The following FAM178B variants were observed in gnomAD, a reference collection of about 807,000 sequenced individuals.
FAM178B encodes protein FAM178B.
FAM178B carries 82 observed loss-of-function variants against 91.7 expected under a neutral mutation model. The observed-to-expected ratio is 0.89, with a 90% CI of 0.75 to 1.07. FAM178B has a LOEUF of 1.07. Ranked by LOEUF, FAM178B falls within the 50% of genes least tolerant of loss-of-function variation. FAM178B has a pLI of 0.00. For missense variants in FAM178B, 769 were observed against 846.7 expected, an observed-to-expected ratio of 0.91 and a Z score of 1.14; for synonymous variants, 368 against 359.4, an observed-to-expected ratio of 1.02 and a Z score of -0.27.
intron 8 of FAM178B, among the ~76,000 whole-genome samples, chr2:96,933,545 C>G (rs947508438): frequency 4.6e-5 from 7 of 152,228 alleles, no homozygotes; most frequent in African/African-American, 1.7e-4. Flanking sequence ...CTGGAAGCGC[C>G]AGCCTCAGCT....
chr2:96,928,449 T>G (rs2081483984), intron 9 of FAM178B, among the ~76,000 whole-genome samples: 1 of 152,122 alleles, frequency 6.6e-6, no homozygotes, highest in Non-Finnish European at 1.5e-5. Context: ...AGGCAAATGA[T>G]CATGACTGTC....
At chr2:96,936,567 T>C (rs2081635779) in intron 8 of FAM178B, among the ~76,000 whole-genome samples, 1 of 147,620 alleles carries the variant, frequency 6.8e-6, no homozygotes, top group Non-Finnish European at 1.5e-5. Flanking sequence ...TGGAGTGCAA[T>C]GGCATGATCT....
rs150356466 is a variant in FAM178B, at chr2:96,923,329, G to A, written c.1287+161C>T. ...GGGGCCTAGATCAGGACCCGTGTCC[G>A]ATAACACAGTTTCTGTAGCATCCGG... On this transcript the variant is annotated intron_variant, in intron 10 of 16. Coordinates refer to ENST00000490605, the MANE Select transcript of FAM178B (RefSeq NM_001122646.3). Among the ~76,000 whole-genome samples, 17 of 152,332 alleles carry A rather than the reference G, an allele frequency of 1.1e-4. No individual in the cohort carries two copies. In the East Asian group the frequency reaches 2.1e-3, roughly 19 times the overall value.
intron 12 of FAM178B, among the ~76,000 whole-genome samples, chr2:96,902,954 A>C (rs1013266419): frequency 2.0e-5 from 3 of 152,230 alleles, no homozygotes; most frequent in African/African-American, 7.2e-5. Flanking sequence ...AGGCCCACAG[A>C]GCTGGGCTTT....
chr2:96,882,522 T>C (rs2080411688), intron 14 of FAM178B, among the ~76,000 whole-genome samples: 1 of 152,206 alleles, frequency 6.6e-6, no homozygotes, highest in Non-Finnish European at 1.5e-5. Flanking sequence ...GACCAATTCC[T>C]GAACTTAGCA....
intron 14 of FAM178B, among the ~76,000 whole-genome samples, chr2:96,882,775 C>T (rs1168536269): frequency 4.6e-5 from 7 of 152,256 alleles, no homozygotes; most frequent in South Asian, 2.1e-4. Context: ...TGGGGGGCTA[C>T]ACTTGTCCAG....
intron 7 of FAM178B, 60 bp from the exon 8 acceptor site, chr2:96,947,962 A>G (rs2081858715): frequency 7.1e-6 from 6 of 843,738 alleles, no homozygotes; most frequent in Non-Finnish European, 3.9e-6. Flanking sequence ...CCTAAGAAGC[A>G]ATAGTAGCAA....
At chr2:96,978,247 T>C (rs2082317731) in intron 1 of FAM178B, among the ~76,000 whole-genome samples, 1 of 152,212 alleles carries the variant, frequency 6.6e-6, no homozygotes, top group Non-Finnish European at 1.5e-5. Context: ...TGAATGCTTC[T>C]ATGAACATCA....
intron 8 of FAM178B, among the ~76,000 whole-genome samples, chr2:96,945,968 ACT>A (rs1307134284): frequency 1.3e-5 from 2 of 151,618 alleles, no homozygotes; most frequent in East Asian, 3.9e-4. Context: ...CAAAACTGAA[ACT>A]CTGTACTCAT....
At chr2:96,886,937 G>C (rs1001085600) in intron 14 of FAM178B, among the ~76,000 whole-genome samples, 1 of 152,190 alleles carries the variant, frequency 6.6e-6, no homozygotes, top group African/African-American at 2.4e-5. Flanking sequence ...CCTTTTGGCC[G>C]GGCGCGGTGG....
chr2:96,985,138 C>T (rs1022381077), intron 1 of FAM178B, among the ~76,000 whole-genome samples: 2 of 152,198 alleles, frequency 1.3e-5, no homozygotes, highest in Non-Finnish European at 2.9e-5. Flanking sequence ...AGTACGTGTC[C>T]TGACAGCGTG....
intron 3 of FAM178B, 41 bp downstream of exon 3, chr2:96,971,860 G>T: frequency 6.9e-7 from 1 of 1,442,386 alleles, no homozygotes; most frequent in Non-Finnish European, 9.1e-7. Flanking sequence ...GCTAAAGATG[G>T]GTAGCCAAGG....
rs187293627 is a variant in FAM178B at position 96,977,838 on chromosome 2, G to C, written c.74-5232C>G. On this transcript the variant is annotated intron_variant, in intron 1 of 16. Transcript: ENST00000490605. ...ATACCGGCCTTTGTTCTACTCCAGC[G>C]TTGACGGTTTTTGCTGTTCCAGTTT... The C allele has an allele frequency of 2.5e-4, 112 of 455,304 alleles. 2 individuals carry two copies. The Admixed American group carries it at 2.6e-3, about 11-fold the overall frequency. 28.2% of individuals were successfully genotyped at this position (455,304 alleles called of 1,614,324 possible).
intron 8 of FAM178B, among the ~76,000 whole-genome samples, chr2:96,930,309 C>CA (rs1191863506): frequency 6.8e-6 from 1 of 147,152 alleles, no homozygotes; most frequent in Non-Finnish European, 1.5e-5. Context: ...TTTTTTCTGT[C>CA]AGACTACTTA....
At chr2:96,951,032 G>T (rs1440227039) in intron 7 of FAM178B, among the ~76,000 whole-genome samples, 3 of 152,154 alleles carry the variant, frequency 2.0e-5, no homozygotes, top group African/African-American at 7.2e-5. Context: ...CCGATTCACT[G>T]AGAGGTTAGA....
Position 96,905,861 on chromosome 2 carries a change from T to TATA in FAM178B, c.1563-3155_1563-3154insTAT, listed in dbSNP as rs1491541308. Among the ~76,000 whole-genome samples, 43 of 19,794 alleles carry TATA rather than the reference T, an allele frequency of 2.2e-3. 2 individuals carry two copies. Among genetic ancestry groups the TATA allele is most frequent in the Admixed American group, 3.6e-3 (4 of 1,098 alleles). The allele number at this position is 19,794 out of a possible 152,430, so 13.0% of individuals were successfully genotyped here. ...ATATATATATATATATATATATATA[T>TATA]TTTTTTTTTTTTTTTTTTTTTTTTT... is the stretch of plus-strand genomic sequence containing the variant. On this transcript the variant is annotated intron_variant, in intron 12 of 16. Transcript: ENST00000490605.
chr2:96,884,241 G>A (rs183151332), intron 14 of FAM178B, among the ~76,000 whole-genome samples: 1 of 152,288 alleles, frequency 6.6e-6, no homozygotes, highest in African/African-American at 2.4e-5. Flanking sequence ...CCTGTGTCCA[G>A]GAAGGGCAGG....
chr2:96,949,327 C>T (rs561298587), intron 7 of FAM178B, among the ~76,000 whole-genome samples: 1 of 152,314 alleles, frequency 6.6e-6, no homozygotes, highest in South Asian at 2.1e-4. Context: ...GCCCCAGCAG[C>T]CCTGGGACCC....
chr2:96,903,319 G>T (rs759031363), intron 12 of FAM178B, among the ~76,000 whole-genome samples: 6 of 152,254 alleles, frequency 3.9e-5, no homozygotes, highest in Admixed American at 2.6e-4. Flanking sequence ...GATTACAGGC[G>T]TGAGCCACCG....
Sources: allele counts gnomAD v4.1 joint callset (sites outside exome capture counted in the v4.1 genomes callset), GRCh38; gene constraint gnomAD v4.1.1; transcripts MANE v1.5; gene names NCBI Gene and HGNC (gene_info 2026-07-23, HGNC 2026-07-21).